Variants in NFX1 observed in about 807,000 individuals in gnomAD.
NFX1 encodes the protein nuclear transcription factor, X-box binding 1, also known as transcriptional repressor NF-X1.
Under a neutral mutation model 137.2 loss-of-function variants are expected in NFX1, and 69 were observed. The ratio of observed to expected loss-of-function variants is 0.50; its 90% confidence interval spans 0.41 to 0.61. The LOEUF is 0.61. Among genes scored for constraint, NFX1 ranks in the 20% least tolerant of loss-of-function variants. The probability of loss-of-function intolerance (pLI) is 0.00; values close to 1 mark genes in which losing one functional copy is unlikely to be tolerated. For synonymous variants in NFX1, 495 were observed against 474.1 expected, an observed-to-expected ratio of 1.04 and a Z score of -0.57; for missense variants, 1,167 against 1,391.0, an observed-to-expected ratio of 0.84 and a Z score of 2.56.
Position 33,303,236 on chromosome 9 carries a change from CACATGTTCCTAATACCT to C in NFX1, c.1242_1258del (p.Val415LeufsTer10). 1 of 1,614,072 alleles carries C rather than the reference CACATGTTCCTAATACCT, an allele frequency of 6.2e-7. No individual in the cohort carries two copies. Among genetic ancestry groups the C allele is most frequent in the Non-Finnish European group, 8.5e-7 (1 of 1,180,012 alleles). On this transcript the variant is annotated frameshift_variant, in exon 4 of 24. Coordinates refer to ENST00000379540, the MANE Select transcript of NFX1 (RefSeq NM_002504.6). LOFTEE classifies it high-confidence loss of function. ...TGCCCTGCCTGTCAGAATGTTTCTGCACATGTTCCTAATACCTACACTTGTTTCTGTGGTAAGTTTGT... is the reference window on the plus strand; with the variant it reads ...TGCCCTGCCTGTCAGAATGTTTCTGCACACTTGTTTCTGTGGTAAGTTTGT...
Position 33,348,730 on chromosome 9 carries a change from C to T in NFX1, c.2424+1613C>T, listed in dbSNP as rs577414423. The T allele has an allele frequency of 1.4e-5, 14 of 981,808 alleles. No homozygotes were observed. The South Asian group carries it at 5.2e-4, about 36-fold the overall frequency. 60.8% of individuals were successfully genotyped at this position (981,808 alleles called of 1,614,324 possible). On this transcript the variant is annotated intron_variant, in intron 15 of 23. Transcript: ENST00000379540. Reference sequence around the variant, plus strand: ...ATAAAGTGAAGTCCAATAAGAAATGCATATTTATTGTACAGTTGAGAAGAT... The same window carrying T: ...ATAAAGTGAAGTCCAATAAGAAATGTATATTTATTGTACAGTTGAGAAGAT...
At chr9:33,309,086 G>A (rs753127976) in intron 5 of NFX1, among the ~76,000 whole-genome samples, 1 of 152,126 alleles carries the variant, frequency 6.6e-6, no homozygotes, top group Admixed American at 6.5e-5. Context: ...GGCTGGGCGC[G>A]GTGGCTCATG....
At chr9:33,341,852 C>T (rs796905317) in intron 12 of NFX1, among the ~76,000 whole-genome samples, 59 of 152,342 alleles carry the variant, frequency 3.9e-4, no homozygotes, top group African/African-American at 5.3e-4. Context: ...TGCGGTGGCT[C>T]ATGCCTGTAA....
chr9:33,320,966 A>G (rs1466175023), intron 9 of NFX1, among the ~76,000 whole-genome samples: 2 of 152,182 alleles, frequency 1.3e-5, no homozygotes, highest in African/African-American at 2.4e-5. Context: ...CTTGTATTTT[A>G]ATATACATTC....
At chr9:33,329,420 G>T (rs963658989) in intron 10 of NFX1, among the ~76,000 whole-genome samples, 16 of 152,074 alleles carry the variant, frequency 1.1e-4, no homozygotes, top group Non-Finnish European at 1.9e-4. Flanking sequence ...TATCCAGTGT[G>T]GCCAGCCTGC....
intron 16 of NFX1, 25 bp from the exon 17 acceptor site, chr9:33,352,621 T>G: frequency 6.2e-7 from 1 of 1,604,766 alleles, no homozygotes; most frequent in African/African-American, 1.3e-5. Flanking sequence ...GTGCTAAAAG[T>G]CGTTCCATGT....
intron 19 of NFX1, among the ~76,000 whole-genome samples, chr9:33,362,748 G>GT (rs1824040371): frequency 7.6e-6 from 1 of 131,666 alleles, no homozygotes; most frequent in East Asian, 2.4e-4. Flanking sequence ...TTGTTGCCCA[G>GT]GCTGTAGTGC....
chr9:33,328,852 A>C (rs771012756), intron 10 of NFX1, among the ~76,000 whole-genome samples, 174 bp downstream of exon 10: 12 of 152,194 alleles, frequency 7.9e-5, no homozygotes, highest in Non-Finnish European at 1.2e-4. Context: ...ACTCTACCAA[A>C]TACAGGTGTG....
In NFX1 at chr9:33,320,389, A is replaced by C. The variant is rs145430908; in HGVS notation, c.1906+1262A>C. On this transcript the variant is annotated intron_variant, in intron 9 of 23. Coordinates refer to ENST00000379540, the MANE Select transcript of NFX1 (RefSeq NM_002504.6). ...AACTCCAGTTACTGTATTACACTGA[A>C]TGCAGTGGTGCCCTTGGCCTGCTGA... Among the ~76,000 whole-genome samples, 633 of 152,362 alleles carry C rather than the reference A, an allele frequency of 4.2e-3. 4 individuals carry two copies. Among genetic ancestry groups the C allele is most frequent in the African/African-American group, 0.014 (593 of 41,574 alleles).
chr9:33,342,071 G>A (rs919145384), intron 12 of NFX1, among the ~76,000 whole-genome samples: 33 of 151,704 alleles, frequency 2.2e-4, no homozygotes, highest in Non-Finnish European at 4.4e-4. Flanking sequence ...AGCCAAGATC[G>A]CACCACCACA....
In NFX1 at chr9:33,303,277, G is replaced by T; in HGVS notation, c.1270+9G>T. The T allele has an allele frequency of 6.2e-7, 1 of 1,611,480 alleles. No homozygotes were observed. Among genetic ancestry groups the T allele is most frequent in the Non-Finnish European group, 8.5e-7 (1 of 1,177,648 alleles). ...CTACACTTGTTTCTGTGGTAAGTTT[G>T]TTTATATACACTGGAGTCTCTTTTA... On this transcript the variant is annotated intron_variant, in intron 4 of 23. Transcript: ENST00000379540.
Position 33,334,469 on chromosome 9 carries a change from A to C in NFX1, c.2035+1967A>C, listed in dbSNP as rs750549105. Among the ~76,000 whole-genome samples the C allele has an allele frequency of 4.0e-3, 613 of 152,300 alleles. 2 individuals are homozygous for C. The highest frequency in any genetic ancestry group is 7.0e-3 in the Non-Finnish European group (477 of 68,014). Reference sequence around the variant, plus strand: ...GACCCTATCTCTAAAACAATAAAACAAAATAATAAAAACATAATTTGAAAA... The same window carrying C: ...GACCCTATCTCTAAAACAATAAAACCAAATAATAAAAACATAATTTGAAAA... On this transcript the variant is annotated intron_variant, in intron 11 of 23. Coordinates refer to ENST00000379540, the MANE Select transcript of NFX1 (RefSeq NM_002504.6).
intron 4 of NFX1, among the ~76,000 whole-genome samples, chr9:33,304,387 A>G (rs1234921164): frequency 6.6e-6 from 1 of 152,202 alleles, no homozygotes; most frequent in East Asian, 1.9e-4. Flanking sequence ...ACCTTTGACC[A>G]TTCCCTTCTT....
At chr9:33,334,408 A>G (rs1453791429) in intron 11 of NFX1, among the ~76,000 whole-genome samples, 1 of 152,222 alleles carries the variant, frequency 6.6e-6, no homozygotes, top group Non-Finnish European at 1.5e-5. Flanking sequence ...GTGAGCTGTG[A>G]TTGTGCCATT....
intron 6 of NFX1, among the ~76,000 whole-genome samples, chr9:33,312,085 C>T (rs532308622): frequency 6.6e-6 from 1 of 152,302 alleles, no homozygotes; most frequent in South Asian, 2.1e-4. Flanking sequence ...TGTGGAGTGT[C>T]TCTGAGGCCC....
intron 23 of NFX1, among the ~76,000 whole-genome samples, chr9:33,368,189 C>G (rs756878970): frequency 1.3e-5 from 2 of 151,970 alleles, no homozygotes; most frequent in African/African-American, 4.8e-5. Context: ...GAGCCGAGAT[C>G]GCACCACTGC....
At chr9:33,336,341 G>A (rs541359579) in intron 11 of NFX1, among the ~76,000 whole-genome samples, 3 of 151,830 alleles carry the variant, frequency 2.0e-5, no homozygotes, top group South Asian at 4.2e-4. Context: ...TCAGCCTCCC[G>A]AGTAGCTGGG....
rs746256176 is a variant in NFX1, at chr9:33,367,570, C to A, written c.3241C>A (p.Gln1081Lys). Residue 1081 changes from glutamine to lysine, a missense_variant, in exon 23 of 24, where the codon CAG becomes AAG. This residue lies in a region of NFX1 where 312 missense variants were observed against 312.8 expected (regional missense o/e 1.00). Transcript: ENST00000379540. ...GACAGGTGTGCTTGAAAGGGAAATGCAGGCACGGCCTCCACCACCGATTCC... is the reference window on the plus strand; with the variant it reads ...GACAGGTGTGCTTGAAAGGGAAATGAAGGCACGGCCTCCACCACCGATTCC... ...TLTGVLEREM[Q>K]ARPPPPIPHH... 8.1e-6 allele frequency: 13 copies of A among 1,613,804 alleles called. No individual in the cohort carries two copies. Among genetic ancestry groups the A allele is most frequent in the Non-Finnish European group, 1.0e-5 (12 of 1,179,798 alleles).
chr9:33,331,681 A>G (rs1822810541), intron 10 of NFX1, among the ~76,000 whole-genome samples: 1 of 146,746 alleles, frequency 6.8e-6, no homozygotes, highest in Non-Finnish European at 1.5e-5. Context: ...TCTGTTATCA[A>G]CTTCAGTAGC....
Sources: allele counts gnomAD v4.1 joint callset (sites outside exome capture counted in the v4.1 genomes callset), GRCh38; gene constraint gnomAD v4.1.1; regional missense constraint gnomAD v4.1.1; transcripts MANE v1.5; gene names NCBI Gene and HGNC (gene_info 2026-07-23, HGNC 2026-07-21).